KLHL29: variants seen among roughly 807,000 people sequenced by gnomAD.
KLHL29 encodes kelch-like protein 29.
Under a neutral mutation model 80.4 loss-of-function variants are expected in KLHL29, and 21 were observed. The ratio of observed to expected loss-of-function variants is 0.26; its 90% confidence interval spans 0.19 to 0.38. The LOEUF is 0.38. KLHL29 is among the 10% of genes least tolerant of loss of function. KLHL29 has a pLI of 1.00. For missense variants in KLHL29, 867 were observed against 1,223.9 expected, an observed-to-expected ratio of 0.71 and a Z score of 4.35; for synonymous variants, 511 against 526.8, an observed-to-expected ratio of 0.97 and a Z score of 0.41.
Position 23,551,681 on chromosome 2 carries a change from A to G in KLHL29, c.-45-10471A>G, listed in dbSNP as rs569230558. Among the ~76,000 whole-genome samples the G allele has an allele frequency of 3.3e-5, 5 of 152,314 alleles. No homozygotes were observed. The East Asian group carries it at 9.6e-4, about 29-fold the overall frequency. ...CCATCTAGGGAGTCAGAATGCCTGG[A>G]TCCTAGGGCCGAATCCAGGCCTGCT... is the stretch of plus-strand genomic sequence containing the variant. On this transcript the variant is annotated intron_variant, in intron 2 of 13. Coordinates refer to ENST00000486442, the MANE Select transcript of KLHL29 (RefSeq NM_052920.2).
Position 23,588,203 on chromosome 2 carries a change from C to A in KLHL29, c.285+25722C>A, listed in dbSNP as rs1057218276. On this transcript the variant is annotated intron_variant, in intron 3 of 13. Coordinates refer to ENST00000486442, the MANE Select transcript of KLHL29 (RefSeq NM_052920.2). ...CTCCTCCTCCTGGCCTCCCTGCCAC[C>A]CAGCCCGGCATGAAGCTGAACATCG... 2.6e-5 allele frequency among the ~76,000 whole-genome samples: 4 copies of A among 152,174 alleles called. No homozygotes were observed. In the East Asian group the frequency reaches 7.7e-4, roughly 29 times the overall value.
chr2:23,389,464 A>G (rs1013573635), intron 1 of KLHL29, among the ~76,000 whole-genome samples: 23 of 152,230 alleles, frequency 1.5e-4, no homozygotes, highest in African/African-American at 5.3e-4. Flanking sequence ...TAATCAGTCA[A>G]CTAAGTGCCT....
At chr2:23,623,145 G>A (rs532890904) in intron 3 of KLHL29, among the ~76,000 whole-genome samples, 21 of 152,126 alleles carry the variant, frequency 1.4e-4, no homozygotes, top group Non-Finnish European at 2.5e-4. Context: ...GGTCTTAGAC[G>A]GGACATGTCT....
intron 1 of KLHL29, among the ~76,000 whole-genome samples, chr2:23,402,831 T>C (rs1666626203): frequency 6.6e-6 from 1 of 151,274 alleles, no homozygotes; most frequent in African/African-American, 2.4e-5. Context: ...TTAATACATG[T>C]GTGTCCCTGA....
In KLHL29 at chr2:23,706,663, G is replaced by C; in HGVS notation, c.2627G>C (p.Ter876SerextTer21). The C allele has an allele frequency of 6.6e-7, 1 of 1,517,836 alleles. No homozygotes were observed. 94.0% of individuals were successfully genotyped at this position (1,517,836 alleles called of 1,614,324 possible). Residue 876 changes from the stop codon to serine, a stop_lost, in exon 14 of 14, where the codon TGA (stop) becomes TCA (serine). Coordinates refer to ENST00000486442, the MANE Select transcript of KLHL29 (RefSeq NM_052920.2). ...ATAAAGAAATATATTCAAAGCGGCT[G>C]ACATCAGCAGAAAGCCCACGATAAG... ...VVIKKYIQSG[*>S]
At chr2:23,436,645 G>A (rs953434136) in intron 1 of KLHL29, among the ~76,000 whole-genome samples, 3 of 152,356 alleles carry the variant, frequency 2.0e-5, no homozygotes, top group Non-Finnish European at 1.5e-5. Context: ...GAGCCCTGAC[G>A]ATTCTGAGGG....
chr2:23,540,697 C>G (rs1666807793), intron 2 of KLHL29, among the ~76,000 whole-genome samples: 1 of 152,258 alleles, frequency 6.6e-6, no homozygotes, highest in Admixed American at 6.5e-5. Context: ...AGGCACAACT[C>G]AGGCTTCAGC....
At chr2:23,510,748 T>C (rs2103461923) in intron 2 of KLHL29, among the ~76,000 whole-genome samples, 1 of 152,154 alleles carries the variant, frequency 6.6e-6, no homozygotes, top group African/African-American at 2.4e-5. Context: ...GGGAGACAAG[T>C]GGTGGCTGGA....
chr2:23,522,619 G>A (rs2103470905), intron 2 of KLHL29, among the ~76,000 whole-genome samples: 1 of 152,296 alleles, frequency 6.6e-6, no homozygotes, highest in South Asian at 2.1e-4. Context: ...GTGGGAAGGT[G>A]AGGCGGGTCT....
chr2:23,536,548 G>T (rs139192839), intron 2 of KLHL29, among the ~76,000 whole-genome samples: 1 of 152,178 alleles, frequency 6.6e-6, no homozygotes, highest in East Asian at 1.9e-4. Context: ...AGAAGGCCTG[G>T]CCCATCAAAC....
intron 2 of KLHL29, among the ~76,000 whole-genome samples, chr2:23,553,293 G>A (rs1304274021): frequency 2.0e-5 from 3 of 152,236 alleles, no homozygotes; most frequent in Non-Finnish European, 4.4e-5. Flanking sequence ...CAGGATGGGA[G>A]TGGAAATGTG....
intron 3 of KLHL29, among the ~76,000 whole-genome samples, chr2:23,576,325 C>T (rs934321478): frequency 7.5e-6 from 1 of 132,784 alleles, no homozygotes; most frequent in Non-Finnish European, 1.6e-5. Flanking sequence ...AAAAAAAAAA[C>T]GAAATATGCT....
Position 23,445,287 on chromosome 2 carries a change from T to C in KLHL29, c.-153-30273T>C, listed in dbSNP as rs117062151. ...AACCATTTTGCTAGTTTTTTTTCTT[T>C]CCAGTGCATCTTTTTGTAAAAGAAA... is the stretch of plus-strand genomic sequence containing the variant. On this transcript the variant is annotated intron_variant, in intron 1 of 13. Transcript: ENST00000486442. 1.2e-4 allele frequency among the ~76,000 whole-genome samples: 19 copies of C among 152,342 alleles called. No individual in the cohort carries two copies. In the East Asian group the frequency reaches 1.3e-3, roughly 11 times the overall value.
At position 23,529,522 on chromosome 2, in the gene KLHL29, G is replaced by C. The variant is rs900944627; in HGVS notation, c.-45-32630G>C. On this transcript the variant is annotated intron_variant, in intron 2 of 13. Transcript: ENST00000486442. The stretch of plus-strand genomic sequence containing the variant: ...GTTCAGTCTCATGAGAGAGAGCAGG[G>C]GTCATGGTTTTTCTTATTTTGCTTC... 5.3e-5 allele frequency among the ~76,000 whole-genome samples: 8 copies of C among 152,220 alleles called. No homozygotes were observed. The South Asian group carries it at 1.7e-3, about 32-fold the overall frequency.
rs1387246969 is a variant in KLHL29, at chr2:23,669,227, GCTCAGTGCTGGGAGT to G, written c.941-15170_941-15156del. 1 of 152,342 alleles carries G rather than the reference GCTCAGTGCTGGGAGT, an allele frequency of 6.6e-6. No individual in the cohort carries two copies. The highest frequency in any genetic ancestry group is 2.4e-5 in the African/African-American group (1 of 41,464). The allele number at this position is 152,342 out of a possible 1,614,324, so 9.4% of individuals were successfully genotyped here. ...AGACACCTCTCTGCCCCTGCTGGGT[GCTCAGTGCTGGGAGT>G]CCCTGTCCATGAGCCACCCCTGGTC... On this transcript the variant is annotated intron_variant, in intron 5 of 13. Transcript: ENST00000486442. The surrounding 1 kb of genome is among the most constrained non-coding windows in gnomAD (Gnocchi z 4.3).
At chr2:23,567,575 C>T (rs116452756) in intron 3 of KLHL29, among the ~76,000 whole-genome samples, 8 of 152,326 alleles carry the variant, frequency 5.3e-5, no homozygotes, top group African/African-American at 1.9e-4. Context: ...CCATGCGCTC[C>T]AGCTTCTCTG....
At chr2:23,656,555 T>C (rs895442476) in intron 5 of KLHL29, among the ~76,000 whole-genome samples, 1 of 152,254 alleles carries the variant, frequency 6.6e-6, no homozygotes, top group East Asian at 1.9e-4. Flanking sequence ...CTTAGGGCAG[T>C]TCTGCCTCTT....
chr2:23,577,315 G>A (rs1231167141), intron 3 of KLHL29, among the ~76,000 whole-genome samples: 1 of 152,090 alleles, frequency 6.6e-6, no homozygotes, highest in Non-Finnish European at 1.5e-5. Context: ...GCCGGGCATG[G>A]TGGTATGAGT....
chr2:23,656,727 T>G (rs1670256442), intron 5 of KLHL29, among the ~76,000 whole-genome samples: 1 of 151,476 alleles, frequency 6.6e-6, no homozygotes, highest in Non-Finnish European at 1.5e-5. Context: ...CAGGAGAAGC[T>G]GGGCGGAGGT....
Sources: gnomAD v4.1 joint callset for allele counts (sites outside exome capture counted in the v4.1 genomes callset) on GRCh38, gnomAD v4.1.1 for gene constraint, Gnocchi (gnomAD v3.1) non-coding constraint, MANE v1.5 for transcripts, NCBI Gene and HGNC (gene_info 2026-07-23, HGNC 2026-07-21) for gene names.